Variants in DAB1 observed in about 807,000 individuals in gnomAD.
DAB1 encodes disabled homolog 1.
In DAB1, 15 loss-of-function variants were observed where a neutral mutation model predicts 64.6. That is an observed-to-expected ratio of 0.23 (90% CI 0.16 to 0.36). The LOEUF (loss-of-function observed/expected upper bound fraction) is 0.36, where lower values mean the gene tolerates loss of function less well. DAB1 is among the 10% of genes least tolerant of loss of function. DAB1 has a pLI of 1.00. For synonymous variants in DAB1, 235 were observed against 251.9 expected (o/e 0.93, Z 0.64); for missense variants, 596 against 706.7 (o/e 0.84, Z 1.78).
chr1:58,460,537 G>A (rs992156785), intron 3 of DAB1, among the ~76,000 whole-genome samples: 3 of 152,160 alleles, frequency 2.0e-5, no homozygotes, highest in Non-Finnish European at 4.4e-5. Flanking sequence ...GTTGAATAGT[G>A]AGAAGGAGAA....
intron 9 of DAB1, among the ~76,000 whole-genome samples, chr1:57,033,234 C>T (rs567565689): frequency 6.6e-6 from 1 of 152,238 alleles, no homozygotes; most frequent in East Asian, 1.9e-4. Flanking sequence ...TGGCAGGGCC[C>T]ACCAATAGTC....
chr1:57,281,647 T>C (rs1293271962), intron 2 of DAB1, among the ~76,000 whole-genome samples: 1 of 152,144 alleles, frequency 6.6e-6, no homozygotes, highest in Non-Finnish European at 1.5e-5. Context: ...AAGGGTTTTA[T>C]GCAGGAGTGT....
At chr1:58,091,572 G>A (rs1188101965) in intron 5 of DAB1, among the ~76,000 whole-genome samples, 1 of 152,248 alleles carries the variant, frequency 6.6e-6, no homozygotes, top group Middle Eastern at 3.4e-3. Context: ...CAAGATCACA[G>A]AGATGGCAAA....
chr1:57,255,480 G>A (rs1378227818), intron 2 of DAB1, among the ~76,000 whole-genome samples: 2 of 151,914 alleles, frequency 1.3e-5, no homozygotes, highest in African/African-American at 4.8e-5. Flanking sequence ...TGGGCATCAT[G>A]GCAAAACCCT....
At chr1:57,324,861 A>C (rs1277723188) in intron 1 of DAB1, among the ~76,000 whole-genome samples, 1 of 152,124 alleles carries the variant, frequency 6.6e-6, no homozygotes, top group Non-Finnish European at 1.5e-5. Flanking sequence ...GCAAAGGACA[A>C]AGAGTTGACT....
intron 7 of DAB1, among the ~76,000 whole-genome samples, chr1:57,592,260 A>C (rs534566259): frequency 1.6e-4 from 25 of 152,282 alleles, no homozygotes; most frequent in African/African-American, 5.5e-4. Context: ...CTCTGGGCAA[A>C]AGAATCATGG....
chr1:58,539,094 G>T lies in DAB1; in HGVS notation n.32+7609C>A, dbSNP rs34466938. 7.9e-3 allele frequency: 6,905 copies of T among 872,778 alleles called. 300 individuals are homozygous for T. The African/African-American group carries it at 0.098, about 12-fold the overall frequency. The allele number at this position is 872,778 out of a possible 1,614,324, so 54.1% of individuals were successfully genotyped here. A position where few individuals can be genotyped will look rare whatever the true frequency, so the allele number is the denominator to read the frequency against. On this transcript the variant is annotated intron_variant and non_coding_transcript_variant, in intron 1 of 20. Coordinates refer to the DAB1 transcript ENST00000485760. ...TGTTAAAAGTACTATAAAAATGAAAGTTTCCAGGCAGAAAACTCCACCTGT... is the reference window on the plus strand; with the variant it reads ...TGTTAAAAGTACTATAAAAATGAAATTTTCCAGGCAGAAAACTCCACCTGT...
intron 11 of DAB1, among the ~76,000 whole-genome samples, chr1:57,017,739 G>A (rs928000306): frequency 2.6e-5 from 4 of 152,172 alleles, no homozygotes; most frequent in Admixed American, 6.5e-5. Flanking sequence ...AAACAAGAGG[G>A]GTGAAGAGGC....
chr1:57,846,407 G>A (rs1164124356), intron 1 of DAB1, among the ~76,000 whole-genome samples: 4 of 148,294 alleles, frequency 2.7e-5, no homozygotes, highest in Admixed American at 1.4e-4. Context: ...GCAGTAAGCC[G>A]AGATTGTGCC....
intron 3 of DAB1, among the ~76,000 whole-genome samples, chr1:58,404,307 G>C (rs1318855417): frequency 3.9e-5 from 6 of 152,210 alleles, no homozygotes; most frequent in African/African-American, 1.4e-4. Context: ...TGTGCCTCGA[G>C]GATCAGCTTT....
At chr1:57,258,715 A>G (rs773788992) in intron 2 of DAB1, among the ~76,000 whole-genome samples, 3 of 152,308 alleles carry the variant, frequency 2.0e-5, no homozygotes, top group Admixed American at 1.3e-4. Context: ...ATTGTTCGAC[A>G]GGATTTGCTC....
At chr1:57,488,805 T>G (rs148031123) in intron 7 of DAB1, among the ~76,000 whole-genome samples, 126 of 152,252 alleles carry the variant, frequency 8.3e-4, no homozygotes, top group African/African-American at 2.9e-3. Context: ...TTGAGCAAAT[T>G]TATATGTTTT....
intron 4 of DAB1, among the ~76,000 whole-genome samples, chr1:58,210,018 CAAT>C (rs1169235415): frequency 6.6e-6 from 1 of 152,100 alleles, no homozygotes; most frequent in Non-Finnish European, 1.5e-5. Flanking sequence ...TAAGATGTAG[CAAT>C]AATAATAGTG....
chr1:58,044,597 C>T (rs1570270948), intron 5 of DAB1, among the ~76,000 whole-genome samples: 1 of 152,008 alleles, frequency 6.6e-6, no homozygotes, highest in African/African-American at 2.4e-5. Flanking sequence ...GCATATCAGG[C>T]TTTTACTCTG....
At chr1:57,477,798 T>C (rs949189203) in intron 7 of DAB1, among the ~76,000 whole-genome samples, 1 of 152,194 alleles carries the variant, frequency 6.6e-6, no homozygotes, top group African/African-American at 2.4e-5. Flanking sequence ...AGGAGTTTGC[T>C]TTGATGAAAG....
chr1:57,274,518 G>T (rs577668434), intron 2 of DAB1, among the ~76,000 whole-genome samples: 1 of 152,276 alleles, frequency 6.6e-6, no homozygotes, highest in East Asian at 1.9e-4. Flanking sequence ...GTACCATATT[G>T]TTATTGGTTT....
intron 1 of DAB1, among the ~76,000 whole-genome samples, chr1:57,412,145 A>G (rs12091732): frequency 0.015 from 2,326 of 152,324 alleles, 66 homozygotes; most frequent in African/African-American, 0.052. Flanking sequence ...CCATGCCCAC[A>G]TAAGACAATG....
intron 7 of DAB1, among the ~76,000 whole-genome samples, chr1:57,526,488 C>T (rs909282463): frequency 6.6e-6 from 1 of 152,110 alleles, no homozygotes; most frequent in Non-Finnish European, 1.5e-5. Flanking sequence ...GTCTATGGTT[C>T]ATCTAATTTA....
chr1:57,999,731 G>A (rs1466689761), intron 5 of DAB1, among the ~76,000 whole-genome samples: 2 of 152,126 alleles, frequency 1.3e-5, no homozygotes, highest in Non-Finnish European at 2.9e-5. Flanking sequence ...AATGTCAGTA[G>A]TGCTGAGGTT....
Sources: allele counts gnomAD v4.1 joint callset (sites outside exome capture counted in the v4.1 genomes callset), GRCh38; gene constraint gnomAD v4.1.1; transcripts MANE v1.5; gene names NCBI Gene and HGNC (gene_info 2026-07-23, HGNC 2026-07-21).